Variants in POLQ observed in about 807,000 individuals in gnomAD.
POLQ encodes the protein DNA polymerase theta, also known as epididymis secretory sperm binding protein.
In POLQ, 233 loss-of-function variants were observed where a neutral mutation model predicts 259.2. That is an observed-to-expected ratio of 0.90 (90% CI 0.81 to 1.00). POLQ has a LOEUF of 1.00. POLQ is among the 50% of genes least tolerant of loss of function. POLQ has a pLI of 0.00. For synonymous variants in POLQ, 1,025 were observed against 1,048.8 expected, an observed-to-expected ratio of 0.98 and a Z score of 0.44; for missense variants, 2,871 against 3,051.6, an observed-to-expected ratio of 0.94 and a Z score of 1.39.
At chr3:121,535,051 T>C (rs501099) in intron 5 of POLQ, among the ~76,000 whole-genome samples, 14,990 of 152,276 alleles carry the variant, frequency 0.098, 1,077 homozygotes, top group African/African-American at 0.2. Flanking sequence ...ATATATCCAT[T>C]AGGTCAAATT....
intron 16 of POLQ, 82 bp downstream of exon 16, chr3:121,487,220 C>T: frequency 1.4e-6 from 1 of 736,714 alleles, no homozygotes; most frequent in Middle Eastern, 3.7e-4. Context: ...TATTTAATAT[C>T]TAACATTGAG....
At chr3:121,507,503 G>C (rs1320181336) in intron 12 of POLQ, among the ~76,000 whole-genome samples, 1 of 152,122 alleles carries the variant, frequency 6.6e-6, no homozygotes, top group Admixed American at 6.5e-5. Flanking sequence ...GAGGAGGGTG[G>C]ATCACTTGAG....
intron 8 of POLQ, among the ~76,000 whole-genome samples, chr3:121,521,082 T>A (rs1049679862): frequency 1.3e-5 from 2 of 152,212 alleles, no homozygotes; most frequent in Non-Finnish European, 2.9e-5. Flanking sequence ...TGTGTGTGTA[T>A]ATAGTAGTTT....
At chr3:121,516,767 G>T (rs987682809) in intron 9 of POLQ, among the ~76,000 whole-genome samples, 1 of 152,108 alleles carries the variant, frequency 6.6e-6, no homozygotes, top group African/African-American at 2.4e-5. Context: ...GATGCTACAC[G>T]ATACAAAAAG....
In POLQ at chr3:121,487,389, T is replaced by A. The variant is rs757184831; in HGVS notation, c.5542A>T (p.Lys1848Ter). The A allele has an allele frequency of 2.1e-5, 34 of 1,613,932 alleles. No homozygotes were observed. The highest frequency in any genetic ancestry group is 3.3e-4 in the Middle Eastern group (2 of 6,084). Residue 1848 changes from lysine to a stop codon, truncating the protein, a stop_gained, in exon 16 of 30, where the codon AAG (lysine) becomes TAG (stop). Coordinates refer to ENST00000264233, the MANE Select transcript of POLQ (RefSeq NM_199420.4). LOFTEE classifies it high-confidence loss of function. ...QTFIKEWRCK[K>*]RFSISLACEK... is the part of the protein sequence containing the mutation. Reference sequence around the variant, plus strand: ...CAAGCCAGTGAGATGGAAAATCGCTTTTTGCACCGCCACTCCTTAATGAAT... The same window carrying A: ...CAAGCCAGTGAGATGGAAAATCGCTATTTGCACCGCCACTCCTTAATGAAT...
At position 121,483,586 on chromosome 3, in the gene POLQ, TAAAA is replaced by T. The variant is rs78578025; in HGVS notation, c.5774-8_5774-5del. The T allele has an allele frequency of 5.4e-5, 69 of 1,276,852 alleles. No homozygotes were observed. Among genetic ancestry groups the T allele is most frequent in the South Asian group, 2.1e-4 (11 of 53,084 alleles). The allele number at this position is 1,276,852 out of a possible 1,614,324, so 79.1% of individuals were successfully genotyped here. On this transcript the variant is annotated splice_region_variant and splice_polypyrimidine_tract_variant and intron_variant, in intron 17 of 29. Coordinates refer to ENST00000264233, the MANE Select transcript of POLQ (RefSeq NM_199420.4). ...GGAACCAAACTGGCACTAATTTCTTTAAAAAAAAAAAAAAAAAGGAAAAAACATT... is the reference window on the plus strand; with the variant it reads ...GGAACCAAACTGGCACTAATTTCTTTAAAAAAAAAAAAAGGAAAAAACATT...
At chr3:121,508,016 A>ATTTTTTTTTTTTTTTTTTTTTTTTTTTT (rs4048669) in intron 12 of POLQ, among the ~76,000 whole-genome samples, 8 of 129,648 alleles carry the variant, frequency 6.2e-5, no homozygotes, top group Non-Finnish European at 6.3e-5. Flanking sequence ...ACCATACACA[A>ATTTTTTTTTTTTTTTTTTTTTTTTTTTT]TTTTTTTTTT....
chr3:121,541,161 G>A (rs1147741), intron 3 of POLQ, among the ~76,000 whole-genome samples, 188 bp downstream of exon 3: 3 of 152,282 alleles, frequency 2.0e-5, no homozygotes, highest in African/African-American at 4.8e-5. Context: ...GATTACAGGC[G>A]TGAGCTACCA....
In POLQ at chr3:121,460,072, T is replaced by C; in HGVS notation, c.7130A>G (p.Asp2377Gly). Residue 2377 changes from aspartate (D) to glycine (G), a missense_variant, in exon 25 of 30, where the codon GAT becomes GGT. Physicochemically the swap from Asp to Gly is moderately conservative, Grantham distance 94. Coordinates refer to ENST00000264233, the MANE Select transcript of POLQ (RefSeq NM_199420.4). ...KMIEPESVGD[D>G]LRQQAKQICY... is the part of the protein sequence containing the mutation. ...CACCTGTTTTGCCTGCTGCCTCAGA[T>C]CATCCCCAACAGACTCTGGCTCAAT... 1 of 1,614,000 alleles carries C rather than the reference T, an allele frequency of 6.2e-7. No homozygotes were observed. Among genetic ancestry groups the C allele is most frequent in the Non-Finnish European group, 8.5e-7 (1 of 1,179,868 alleles).
intron 12 of POLQ, among the ~76,000 whole-genome samples, chr3:121,499,411 G>A (rs148240231): frequency 2.0e-5 from 3 of 151,900 alleles, no homozygotes; most frequent in Admixed American, 6.6e-5. Flanking sequence ...GTGCCACCAC[G>A]TCTGCCTAAT....
At chr3:121,467,490 A>C in intron 24 of POLQ, 29 bp downstream of exon 24, 7 of 1,609,498 alleles carry the variant, frequency 4.3e-6, no homozygotes, top group Non-Finnish European at 5.9e-6. Flanking sequence ...CACAGCAATG[A>C]GAAGCTTCAA....
chr3:121,491,346 C>CA lies in POLQ; in HGVS notation c.2523-939dup, dbSNP rs3045625. Reference sequence around the variant, plus strand: ...CCAGGGCGACAGAGCGAGACTGTCACAAAAAAAAAAAAAAAAAAAAAAAAA... The same window carrying CA: ...CCAGGGCGACAGAGCGAGACTGTCACAAAAAAAAAAAAAAAAAAAAAAAAAA... On this transcript the variant is annotated intron_variant, in intron 15 of 29. Transcript: ENST00000264233. Among the ~76,000 whole-genome samples the CA allele has an allele frequency of 8.4e-3, 654 of 77,990 alleles. 19 individuals carry two copies. The highest frequency in any genetic ancestry group is 0.015 in the African/African-American group (260 of 17,744). 51.2% of individuals were successfully genotyped at this position (77,990 alleles called of 152,430 possible).
At position 121,537,109 on chromosome 3, in the gene POLQ, G is replaced by A. The variant is rs756882871; in HGVS notation, c.731C>T (p.Ser244Leu). Reference sequence around the variant, plus strand: ...TATTTCACGTACTTACCAAGATGCTGATTTCCGAGTAATATAGCAAATCTT... The same window carrying A: ...TATTTCACGTACTTACCAAGATGCTAATTTCCGAGTAATATAGCAAATCTT... ...LTKICYITRK[S>L]ASCQADLASS... The change falls in exon 5 of 30, where the codon TCA becomes TTA. Residue 244 changes from serine (S) to leucine (L), a missense_variant. By Grantham distance (145) the Ser-to-Leu change is moderately radical. Around this residue, in one of 3 missense-constraint regions of POLQ, gnomAD observed 783 missense variants for 906.2 expected, o/e 0.86. Transcript: ENST00000264233. 2 of 1,520,114 alleles carry A rather than the reference G, an allele frequency of 1.3e-6. No individual in the cohort carries two copies. The highest frequency in any genetic ancestry group is 2.2e-5 in the South Asian group (2 of 89,010). 94.2% of individuals were successfully genotyped at this position (1,520,114 alleles called of 1,614,324 possible).
intron 13 of POLQ, among the ~76,000 whole-genome samples, chr3:121,498,128 T>C (rs922283845): frequency 2.0e-5 from 3 of 151,894 alleles, no homozygotes; most frequent in African/African-American, 7.3e-5. Context: ...CTGACCAACA[T>C]GGAGAAACCC....
In POLQ at chr3:121,483,372, A is replaced by G; in HGVS notation, c.5970+14T>C. 1 of 1,446,974 alleles carries G rather than the reference A, an allele frequency of 6.9e-7. No individual in the cohort carries two copies. Among genetic ancestry groups the G allele is most frequent in the East Asian group, 2.4e-5 (1 of 41,718 alleles). 89.6% of individuals were successfully genotyped at this position (1,446,974 alleles called of 1,614,324 possible). A position where few individuals can be genotyped will look rare whatever the true frequency, so the allele number is the denominator to read the frequency against. On this transcript the variant is annotated intron_variant, in intron 18 of 29. Coordinates refer to ENST00000264233, the MANE Select transcript of POLQ (RefSeq NM_199420.4). ...GTTGTTTTAAGTATATAAAAATTAA[A>G]TTAGACATAGAACCTTAGGATCTTC...
intron 16 of POLQ, among the ~76,000 whole-genome samples, chr3:121,485,959 T>G (rs140427674): frequency 6.6e-6 from 1 of 152,338 alleles, no homozygotes; most frequent in Non-Finnish European, 1.5e-5. Flanking sequence ...ACACCTGATT[T>G]CCACAGCTGA....
Position 121,488,836 on chromosome 3 carries a change from G to A in POLQ, c.4095C>T (p.Asn1365=), listed in dbSNP as rs775962914. The A allele has an allele frequency of 4.3e-6, 7 of 1,613,922 alleles. No individual in the cohort carries two copies. In the Admixed American group the frequency reaches 6.7e-5, roughly 15 times the overall value. ...GAATGTGACACTCCTTCTGAAAAGA[G>A]TTCATTGAGTTCTGTTGGACTAAGC... ...QKSLVQQNSM[N]SFQKECHIPF... The change falls in exon 16 of 30, where the codon AAC becomes AAT. Residue 1365 remains asparagine, a synonymous_variant. Coordinates refer to ENST00000264233, the MANE Select transcript of POLQ (RefSeq NM_199420.4).
chr3:121,507,582 C>T (rs1405080691), intron 12 of POLQ, among the ~76,000 whole-genome samples: 5 of 152,112 alleles, frequency 3.3e-5, no homozygotes, highest in African/African-American at 1.2e-4. Flanking sequence ...CAAAAATTAG[C>T]CAGGTGTGGT....
chr3:121,515,394 G>GC (rs2048287527), intron 9 of POLQ, among the ~76,000 whole-genome samples: 1 of 152,106 alleles, frequency 6.6e-6, no homozygotes, highest in Admixed American at 6.5e-5. Context: ...TAACCTCGAG[G>GC]CCCAGCCTGC....
Sources: gnomAD v4.1 joint callset for allele counts (sites outside exome capture counted in the v4.1 genomes callset) on GRCh38, gnomAD v4.1.1 for gene constraint, gnomAD v4.1.1 regional missense constraint, MANE v1.5 for transcripts, NCBI Gene and HGNC (gene_info 2026-07-23, HGNC 2026-07-21) for gene names.